SYBU: variants seen among roughly 807,000 people sequenced by gnomAD.
SYBU encodes the protein GOLSYN A protein.
A neutral mutation model predicts 35.9 loss-of-function variants in SYBU; 21 were observed. That is an observed-to-expected ratio of 0.58 (90% confidence interval 0.41 to 0.84). The LOEUF is 0.84. Among genes scored for constraint, SYBU ranks in the 40% least tolerant of loss-of-function variants. The pLI is 0.00. For missense variants in SYBU, 768 were observed against 848.2 expected, an observed-to-expected ratio of 0.91 and a Z score of 1.17; for synonymous variants, 319 against 324.3, an observed-to-expected ratio of 0.98 and a Z score of 0.18.
intron 1 of SYBU, among the ~76,000 whole-genome samples, chr8:109,650,529 G>C (rs1816085407): frequency 6.6e-6 from 1 of 152,098 alleles, no homozygotes; most frequent in South Asian, 2.1e-4. Flanking sequence ...GGGGGTCACT[G>C]GTGCAGTTGT....
At chr8:109,626,148 G>T (rs896431467) in intron 2 of SYBU, among the ~76,000 whole-genome samples, 1 of 152,148 alleles carries the variant, frequency 6.6e-6, no homozygotes, top group Non-Finnish European at 1.5e-5. Flanking sequence ...TTACTGATCT[G>T]TAAGAACTCT....
At chr8:109,660,143 A>G (rs975524220) in intron 1 of SYBU, among the ~76,000 whole-genome samples, 1 of 152,190 alleles carries the variant, frequency 6.6e-6, no homozygotes, top group South Asian at 2.1e-4. Context: ...TTAAAATAAA[A>G]CTAGAACCAT....
rs1563783453 is a variant in SYBU, at chr8:109,691,333, C to G, written c.-58G>C. 1 of 701,802 alleles carries G rather than the reference C, an allele frequency of 1.4e-6. No individual in the cohort carries two copies. Among genetic ancestry groups the G allele is most frequent in the Non-Finnish European group, 2.6e-6 (1 of 384,578 alleles). The allele number at this position is 701,802 out of a possible 1,614,324, so 43.5% of individuals were successfully genotyped here. On this transcript the variant is annotated splice_region_variant and 5_prime_UTR_variant, in exon 1 of 8. Coordinates refer to the SYBU transcript ENST00000422135. This position sits in a 1 kb window ranked among gnomAD's most constrained non-coding sequence, Gnocchi z 4.7. ...GACCGCATAGGCGCCCCGGTCTTAC[C>G]CTTTCTCGCCCAGAAGGGCCCCATC... is the stretch of plus-strand genomic sequence containing the variant.
At chr8:109,682,944 G>T (rs2130785865), upstream of SYBU, among the ~76,000 whole-genome samples, 1 of 152,356 alleles carries the variant, frequency 6.6e-6, no homozygotes, top group Non-Finnish European at 1.5e-5. Context: ...CCAAGCCTTG[G>T]CACTTTCCAT....
At chr8:109,603,077 G>A (rs1825707113) in intron 3 of SYBU, among the ~76,000 whole-genome samples, 2 of 152,196 alleles carry the variant, frequency 1.3e-5, no homozygotes, top group Non-Finnish European at 2.9e-5. Context: ...GGACCACAGA[G>A]CCCAGTGTCC....
rs570797295 is a variant in SYBU, at chr8:109,660,559, A to G, written c.-129+20152T>C. Among the ~76,000 whole-genome samples, 3 of 152,334 alleles carry G rather than the reference A, an allele frequency of 2.0e-5. No individual in the cohort carries two copies. In the South Asian group the frequency reaches 6.2e-4, roughly 32 times the overall value. On this transcript the variant is annotated intron_variant, in intron 1 of 5. Transcript: ENST00000408889. ...GATTACTATCTATCCAAACATAGGGAAACCTTTAATTCAGGCTAAGGAAAA... is the reference window on the plus strand; with the variant it reads ...GATTACTATCTATCCAAACATAGGGGAACCTTTAATTCAGGCTAAGGAAAA...
chr8:109,611,299 T>C (rs529319419), intron 3 of SYBU, among the ~76,000 whole-genome samples: 1 of 152,128 alleles, frequency 6.6e-6, no homozygotes, highest in Non-Finnish European at 1.5e-5. Flanking sequence ...CAATTACCTT[T>C]GGAAAGAAGA....
chr8:109,608,052 C>T (rs940883394), intron 3 of SYBU: 1 of 1,098,180 alleles, frequency 9.1e-7, no homozygotes, highest in African/African-American at 1.6e-5. Context: ...AGTGGGGTAT[C>T]CATGGAGACT....
intron 1 of SYBU, among the ~76,000 whole-genome samples, chr8:109,651,971 G>T (rs1816160726): frequency 6.6e-6 from 1 of 152,212 alleles, no homozygotes; most frequent in Non-Finnish European, 1.5e-5. Context: ...TGAATGCACA[G>T]ACACCTATCA....
chr8:109,586,128 T>A lies in SYBU; in HGVS notation c.462A>T (p.Thr154=), dbSNP rs375124243. Reference sequence around the variant, plus strand: ...GGACCTCAGGAGCGGAAATGCTGCCTGTGCTGCTCGAGGAGCTAAAATCAG... The same window carrying A: ...GGACCTCAGGAGCGGAAATGCTGCCAGTGCTGCTCGAGGAGCTAAAATCAG... ...SEADFSSSSS[T]GSISAPEVHM... The change falls in exon 4 of 7, where the codon ACA becomes ACT. Residue 154 remains threonine, a synonymous_variant. Coordinates refer to ENST00000276646, the MANE Select transcript of SYBU (RefSeq NM_001099754.2). 8.7e-6 allele frequency: 14 copies of A among 1,611,296 alleles called. No individual in the cohort carries two copies. Among genetic ancestry groups the A allele is most frequent in the African/African-American group, 1.3e-5 (1 of 74,890 alleles).
In SYBU at chr8:109,575,533, G is replaced by A. The variant is rs1483030589; in HGVS notation, c.1365C>T (p.Asp455=). 1 of 1,614,012 alleles carries A rather than the reference G, an allele frequency of 6.2e-7. No homozygotes were observed. The highest frequency in any genetic ancestry group is 8.5e-7 in the Non-Finnish European group (1 of 1,180,032). Residue 455 remains aspartate (D), a synonymous_variant, in exon 7 of 7, where the codon GAC becomes GAT. Transcript: ENST00000276646. ...IVTATTTESG[D]LELVHSTPGA... ...CAGGGGTGGAATGCACAAGCTCCAG[G>A]TCACCAGATTCTGTGGTGGTGGCTG...
At chr8:109,578,852 A>G (rs553318570) in intron 5 of SYBU, among the ~76,000 whole-genome samples, 1 of 152,160 alleles carries the variant, frequency 6.6e-6, no homozygotes, top group African/African-American at 2.4e-5. Flanking sequence ...TCTAAAATCA[A>G]TCCCTGCTGT....
At chr8:109,673,378 TACCC>T (rs1445955562) in intron 1 of SYBU, among the ~76,000 whole-genome samples, 1 of 152,166 alleles carries the variant, frequency 6.6e-6, no homozygotes, top group African/African-American at 2.4e-5. Context: ...CCGCTGGTGA[TACCC>T]AGGCAAACAG....
At chr8:109,664,204 A>G (rs1816675712) in intron 1 of SYBU, among the ~76,000 whole-genome samples, 2 of 152,178 alleles carry the variant, frequency 1.3e-5, no homozygotes, top group African/African-American at 2.4e-5. Flanking sequence ...CCATGACATG[A>G]TTTCTCTAAG....
intron 3 of SYBU, among the ~76,000 whole-genome samples, chr8:109,591,543 G>T (rs1219442252): frequency 1.7e-5 from 2 of 114,852 alleles, no homozygotes; most frequent in South Asian, 5.5e-4. Flanking sequence ...ACGGAGTCTC[G>T]CTCTGTGGCC....
intron 2 of SYBU, 81 bp from the exon 3 acceptor site, chr8:109,619,120 A>G: frequency 1.9e-6 from 2 of 1,066,110 alleles, no homozygotes; most frequent in Non-Finnish European, 2.8e-6. Context: ...CACCACACAC[A>G]CGCACACGTG....
In SYBU at chr8:109,578,066, T is replaced by C. The variant is rs559637710; in HGVS notation, c.735-49A>G. ...TGTTACTTTTTGCCGTTTCCTTTTC[T>C]ATAAAAAGAAGAGTAACACAGAGTG... On this transcript the variant is annotated intron_variant, in intron 5 of 6. Coordinates refer to ENST00000276646, the MANE Select transcript of SYBU (RefSeq NM_001099754.2). 15 of 1,573,120 alleles carry C rather than the reference T, an allele frequency of 9.5e-6. No individual in the cohort carries two copies. The South Asian group carries it at 1.8e-4, about 19-fold the overall frequency.
intron 1 of SYBU, among the ~76,000 whole-genome samples, chr8:109,677,637 GTA>G (rs1817239770): frequency 6.6e-6 from 1 of 152,176 alleles, no homozygotes; most frequent in Non-Finnish European, 1.5e-5. Flanking sequence ...AATACCCACT[GTA>G]TGTGAGGCAC....
intron 1 of SYBU, among the ~76,000 whole-genome samples, chr8:109,664,191 G>A (rs1181730460): frequency 1.3e-5 from 2 of 152,104 alleles, no homozygotes; most frequent in Non-Finnish European, 2.9e-5. Flanking sequence ...ACTGATTAAT[G>A]GCCCATGACA....
Sources: allele counts gnomAD v4.1 joint callset (sites outside exome capture counted in the v4.1 genomes callset), GRCh38; gene constraint gnomAD v4.1.1; non-coding constraint Gnocchi (gnomAD v3.1); transcripts MANE v1.5; gene names NCBI Gene and HGNC (gene_info 2026-07-23, HGNC 2026-07-21).